The following A2M variants were observed in gnomAD, a reference collection of about 807,000 sequenced individuals.
A2M encodes the protein C3 and PZP-like alpha-2-macroglobulin domain-containing protein 5.
A2M carries 128 observed loss-of-function variants against 183.9 expected under a neutral mutation model. The ratio of observed to expected loss-of-function variants is 0.70; its 90% CI spans 0.60 to 0.81. The LOEUF (loss-of-function observed/expected upper bound fraction) is 0.81, where lower values mean the gene tolerates loss of function less well. Among genes scored for constraint, A2M ranks in the 30% least tolerant of loss-of-function variants. A2M has a pLI of 0.00. For synonymous variants in A2M, 592 were observed against 670.8 expected, an observed-to-expected ratio of 0.88 and a Z score of 1.81; for missense variants, 1,495 against 1,787.6, an observed-to-expected ratio of 0.84 and a Z score of 2.95.
Position 9,077,838 on chromosome 12 carries a change from T to G in A2M, c.3139A>C (p.Lys1047Gln), listed in dbSNP as rs1565581182. The G allele has an allele frequency of 6.2e-7, 1 of 1,614,132 alleles. No individual in the cohort carries two copies. Among genetic ancestry groups the G allele is most frequent in the South Asian group, 1.1e-5 (1 of 91,086 alleles). ...GNTWLTAFVLKTFAQARAYIF... is the reference protein window; with the variant it reads ...GNTWLTAFVLQTFAQARAYIF... ...TAGGCTCGAGCTTGGGCAAAAGTCT[T>G]CAGAACAAAGGCTGTGAGCCTGACC... Residue 1047 changes from lysine to glutamine, a missense_variant, in exon 26 of 36, where the codon AAG becomes CAG. By Grantham distance (53) the Lys-to-Gln change is moderately conservative. Transcript: ENST00000318602.
intron 25 of A2M, 42 bp downstream of exon 25, chr12:9,079,202 C>T (rs762677043): frequency 3.4e-6 from 5 of 1,490,024 alleles, no homozygotes; most frequent in Non-Finnish European, 4.7e-6. Context: ...TGTAAAAGAG[C>T]TGGCACACAA....
At position 9,109,937 on chromosome 12, in the gene A2M, G is replaced by GCCCT. The variant is rs2137955956; in HGVS notation, c.599_602dup (p.Ser202GlyfsTer30). The GCCCT allele has an allele frequency of 6.2e-7, 1 of 1,614,006 alleles. No individual in the cohort carries two copies. Among genetic ancestry groups the GCCCT allele is most frequent in the Non-Finnish European group, 8.5e-7 (1 of 1,179,910 alleles). ...TCTTCTGTACCACCACCTTGTAGGAGCCCTGGAAGGGCTCTGATGAGAGGG... is the reference window on the plus strand; with the variant it reads ...TCTTCTGTACCACCACCTTGTAGGAGCCCTCCCTGGAAGGGCTCTGATGAGAGGG... On this transcript the variant is annotated frameshift_variant, in exon 6 of 36. Transcript: ENST00000318602. LOFTEE classifies it high-confidence loss of function.
At chr12:9,084,021 A>G (rs1423511824) in intron 22 of A2M, among the ~76,000 whole-genome samples, 1 of 152,182 alleles carries the variant, frequency 6.6e-6, no homozygotes, top group East Asian at 1.9e-4. Context: ...GGAGAGTGGA[A>G]TAATATATTC....
chr12:9,069,391 ATTG>A (rs1948496493), intron 33 of A2M, among the ~76,000 whole-genome samples: 1 of 151,948 alleles, frequency 6.6e-6, no homozygotes, highest in African/African-American at 2.4e-5. Context: ...TCCCTTTCAT[ATTG>A]TTGTTGAGTA....
At chr12:9,093,331 G>GTA (rs1035925438) in intron 18 of A2M, 134 bp downstream of exon 18, 472 of 620,658 alleles carry the variant, frequency 7.6e-4, no homozygotes, top group African/African-American at 3.1e-3. Flanking sequence ...ATGTGTATGT[G>GTA]TATATATATA....
chr12:9,068,733 C>T lies in A2M; in HGVS notation c.4366+7G>A, dbSNP rs746496048. The T allele has an allele frequency of 4.4e-6, 7 of 1,582,438 alleles. No individual in the cohort carries two copies. The East Asian group carries it at 1.6e-4, about 36-fold the overall frequency. Reference sequence around the variant, plus strand: ...AATATTTCTACGTGAAAATCACTCTCACTCACCCGTCTCGTAGTAATCATA... The same window carrying T: ...AATATTTCTACGTGAAAATCACTCTTACTCACCCGTCTCGTAGTAATCATA... On this transcript the variant is annotated splice_region_variant and intron_variant, in intron 34 of 35. Transcript: ENST00000318602.
intron 24 of A2M, 86 bp from the exon 25 acceptor site, chr12:9,079,417 T>C: frequency 7.4e-7 from 1 of 1,355,656 alleles, no homozygotes; most frequent in Admixed American, 1.8e-5. Flanking sequence ...TTGGCTTCTC[T>C]TGTGACATTT....
chr12:9,110,960 A>T (rs1938681947), intron 4 of A2M, among the ~76,000 whole-genome samples: 1 of 152,184 alleles, frequency 6.6e-6, no homozygotes, highest in Non-Finnish European at 1.5e-5. Flanking sequence ...ATCCTTTGCT[A>T]TGCAATTTTA....
At chr12:9,072,952 G>A (rs1224824895) in intron 29 of A2M, 81 bp from the exon 30 acceptor site, 2 of 1,098,140 alleles carry the variant, frequency 1.8e-6, no homozygotes, top group Admixed American at 4.9e-5. Context: ...AGACCCATGT[G>A]AGGGACTTTG....
rs1203356932 is a variant in A2M at position 9,107,793 on chromosome 12, G to C, written c.759-149C>G. On this transcript the variant is annotated intron_variant, in intron 7 of 35. Coordinates refer to ENST00000318602, the MANE Select transcript of A2M (RefSeq NM_000014.6). ...GGCTCACACAATATTGAAGACAAGA[G>C]TCACTAATGGCTCTTATAGAAATCT... is the stretch of plus-strand genomic sequence containing the variant. The C allele has an allele frequency of 4.2e-6, 3 of 722,550 alleles. No individual in the cohort carries two copies. The South Asian group carries it at 1.0e-4, about 25-fold the overall frequency. The allele number at this position is 722,550 out of a possible 1,614,324, so 44.8% of individuals were successfully genotyped here.
rs1949481153 is a variant in A2M at position 9,099,368 on chromosome 12, C to T, written c.1701+13G>A. 6.4e-7 allele frequency: 1 copy of T among 1,552,196 alleles called. No individual in the cohort carries two copies. The highest frequency in any genetic ancestry group is 2.0e-5 in the Admixed American group (1 of 50,990). The stretch of plus-strand genomic sequence containing the variant: ...TTTTACATGTTGAAGATTTTATGAT[C>T]TAAAACACACACCTTGTTGGCCAGA... On this transcript the variant is annotated intron_variant, in intron 14 of 35. Transcript: ENST00000318602.
rs766091530 is a variant in A2M, at chr12:9,109,420, T to A, written c.674-15A>T. ...CTTGGGAAGAACTGTTGATTGGTGA[T>A]AAAGAAGGTTGGTGATTGGTTTTCA... On this transcript the variant is annotated splice_polypyrimidine_tract_variant and intron_variant, in intron 6 of 35. Transcript: ENST00000318602. 2 of 1,600,964 alleles carry A rather than the reference T, an allele frequency of 1.2e-6. No homozygotes were observed. Among genetic ancestry groups the A allele is most frequent in the Admixed American group, 3.4e-5 (2 of 59,700 alleles).
intron 27 of A2M, 142 bp downstream of exon 27, chr12:9,077,204 C>A: frequency 1.1e-6 from 1 of 869,932 alleles, no homozygotes. Context: ...TGACCAAATT[C>A]TCTGTAGATC....
chr12:9,109,527 C>T (rs1938565681), intron 6 of A2M, 122 bp from the exon 7 acceptor site: 2 of 742,764 alleles, frequency 2.7e-6, no homozygotes, highest in African/African-American at 3.5e-5. Flanking sequence ...TAGCTCTGCT[C>T]TCCAATCTAT....
chr12:9,070,507 A>G lies in A2M; in HGVS notation c.4175T>C (p.Leu1392Pro). The G allele has an allele frequency of 6.2e-7, 1 of 1,613,644 alleles. No individual in the cohort carries two copies. Among genetic ancestry groups the G allele is most frequent in the Non-Finnish European group, 8.5e-7 (1 of 1,179,688 alleles). ...DVKMVSGFIP[L>P]KPTVKMLERS... ...ACCTACCATTTTCACTGTTGGCTTCAGGGGAATGAAGCCAGAGACCATCTT... is the reference window on the plus strand; with the variant it reads ...ACCTACCATTTTCACTGTTGGCTTCGGGGGAATGAAGCCAGAGACCATCTT... Residue 1392 changes from leucine (L) to proline (P), a missense_variant, in exon 32 of 36, where the codon CTG becomes CCG. Physicochemically the swap from Leu to Pro is moderately conservative, Grantham distance 98. Transcript: ENST00000318602.
chr12:9,091,310 C>T lies in A2M; in HGVS notation c.2360G>A (p.Arg787Gln), dbSNP rs769215470. 32 of 1,613,950 alleles carry T rather than the reference C, an allele frequency of 2.0e-5. No homozygotes were observed. Among genetic ancestry groups the T allele is most frequent in the African/African-American group, 4.0e-5 (3 of 74,876 alleles). ...GLGISSTASL[R>Q]AFQPFFVELT... Reference sequence around the variant, plus strand: ...CTCCACAAAGAAGGGCTGGAAGGCTCGGAGAGAGGCAGTGGAAGAGATACC... The same window carrying T: ...CTCCACAAAGAAGGGCTGGAAGGCTTGGAGAGAGGCAGTGGAAGAGATACC... Residue 787 changes from arginine to glutamine, a missense_variant, in exon 19 of 36, where the codon CGA becomes CAA. Physicochemically the swap from Arg to Gln is conservative, Grantham distance 43. Coordinates refer to ENST00000318602, the MANE Select transcript of A2M (RefSeq NM_000014.6).
chr12:9,070,739 A>C (rs1948546421), intron 31 of A2M, among the ~76,000 whole-genome samples, 161 bp from the exon 32 acceptor site: 1 of 152,186 alleles, frequency 6.6e-6, no homozygotes. Context: ...TAGAATTTTT[A>C]GGAAGCCTGT....
intron 22 of A2M, among the ~76,000 whole-genome samples, chr12:9,083,456 C>G (rs1335410584): frequency 2.0e-5 from 3 of 150,656 alleles, no homozygotes; most frequent in African/African-American, 7.3e-5. Flanking sequence ...TAAATAGAAA[C>G]AATCAAAAAG....
In A2M at chr12:9,069,719, TGCAAATAGA is replaced by T; in HGVS notation, c.4263+17_4263+25del. 6.3e-7 allele frequency: 1 copy of T among 1,593,536 alleles called. No homozygotes were observed. The stretch of plus-strand genomic sequence containing the variant: ...TAGAGGATTATTATCTACGTTTTTT[TGCAAATAGA>T]CTGGAAGTTCTCTTACCTTATCAAG... On this transcript the variant is annotated intron_variant, in intron 33 of 35. Transcript: ENST00000318602.
Sources: gnomAD v4.1 joint callset for allele counts (sites outside exome capture counted in the v4.1 genomes callset) on GRCh38, gnomAD v4.1.1 for gene constraint, MANE v1.5 for transcripts, NCBI Gene and HGNC (gene_info 2026-07-23, HGNC 2026-07-21) for gene names.